The following POU2AF2 variants were observed in gnomAD, a reference collection of about 807,000 sequenced individuals.
The protein encoded by POU2AF2 is POU class 2 homeobox associating factor 2, also known as POU domain class 2-associating factor 2.
At chr11:111,256,237 T>C in the POU2AF2 span, 4 of 396,286 alleles carry the variant, frequency 1.0e-5, no homozygotes, top group Admixed American at 8.8e-5. Flanking sequence ...AATTATTCTG[T>C]GACAGACAAT....
the POU2AF2 span, among the ~76,000 whole-genome samples, chr11:111,260,515 G>A: frequency 6.6e-6 from 1 of 152,160 alleles, no homozygotes; most frequent in Admixed American, 6.5e-5. Flanking sequence ...TCACAAGGGG[G>A]AGTTTTGAGA....
the POU2AF2 span, among the ~76,000 whole-genome samples, chr11:111,247,829 A>G: frequency 6.8e-6 from 1 of 146,764 alleles, no homozygotes; most frequent in Non-Finnish European, 1.5e-5. Flanking sequence ...GCTTAATAAT[A>G]TTTTGAATAT....
At chr11:111,250,674 G>C in the POU2AF2 span, among the ~76,000 whole-genome samples, 1 of 152,116 alleles carries the variant, frequency 6.6e-6, no homozygotes, top group Non-Finnish European at 1.5e-5. Flanking sequence ...TACACAGACA[G>C]AAAAACTAGA....
chr11:111,279,305 TC>T, the POU2AF2 span, among the ~76,000 whole-genome samples: 1 of 152,230 alleles, frequency 6.6e-6, no homozygotes, highest in African/African-American at 2.4e-5. Context: ...TTCTGTTTTG[TC>T]ATCAATCACC....
chr11:111,255,621 A>G, the POU2AF2 span, among the ~76,000 whole-genome samples: 1 of 152,204 alleles, frequency 6.6e-6, no homozygotes, highest in African/African-American at 2.4e-5. Context: ...CTTCTACCTC[A>G]TGTATTTAGA....
At chr11:111,266,287 C>T in the POU2AF2 span, among the ~76,000 whole-genome samples, 1 of 152,020 alleles carries the variant, frequency 6.6e-6, no homozygotes, top group Non-Finnish European at 1.5e-5. Flanking sequence ...CGTGTGTTTC[C>T]CCCGCTGGGT....
the POU2AF2 span, among the ~76,000 whole-genome samples, chr11:111,266,345 C>T: frequency 2.6e-4 from 40 of 152,270 alleles, no homozygotes; most frequent in African/African-American, 9.4e-4. Flanking sequence ...GACCTCAGAA[C>T]GTGTCCCACC....
At chr11:111,268,487 A>ATTT in the POU2AF2 span, among the ~76,000 whole-genome samples, 1 of 23,962 alleles carries the variant, frequency 4.2e-5, no homozygotes, top group Non-Finnish European at 1.0e-4. Flanking sequence ...TTTTTATTTT[A>ATTT]TTTTATTTTA....
chr11:111,251,489 C>T, the POU2AF2 span, among the ~76,000 whole-genome samples: 6 of 152,192 alleles, frequency 3.9e-5, no homozygotes, highest in Non-Finnish European at 8.8e-5. Flanking sequence ...CTGGAGATAC[C>T]CATTTGAAAC....
the POU2AF2 span, among the ~76,000 whole-genome samples, chr11:111,271,924 G>A: frequency 6.6e-6 from 1 of 152,190 alleles, no homozygotes; most frequent in African/African-American, 2.4e-5. Flanking sequence ...GGCTGAGGCA[G>A]GAGAATCACT....
chr11:111,283,420 AG>A, the POU2AF2 span, among the ~76,000 whole-genome samples: 40,407 of 151,884 alleles, frequency 0.27, 5,670 homozygotes, highest in Admixed American at 0.34. Flanking sequence ...TGAGTGAAGG[AG>A]TCCATGAGGC....
chr11:111,245,950 G>A, the POU2AF2 span: 1 of 396,630 alleles, frequency 2.5e-6, no homozygotes. Flanking sequence ...ATAAAACAAA[G>A]GTTAAGGAGA....
At chr11:111,279,029 A>G in the POU2AF2 span, among the ~76,000 whole-genome samples, 1 of 152,164 alleles carries the variant, frequency 6.6e-6, no homozygotes, top group Admixed American at 6.5e-5. Context: ...GTCACTGCAA[A>G]AGAGCTCGGA....
At chr11:111,257,342 A>G in the POU2AF2 span, among the ~76,000 whole-genome samples, 422 of 151,524 alleles carry the variant, frequency 2.8e-3, 7 homozygotes, top group African/African-American at 9.6e-3. Context: ...AACACCTTTA[A>G]TTGCATATTT....
chr11:111,274,097 T>A, the POU2AF2 span, among the ~76,000 whole-genome samples: 1 of 152,102 alleles, frequency 6.6e-6, no homozygotes, highest in African/African-American at 2.4e-5. Flanking sequence ...ACGTAGGAAA[T>A]GACAATTGAG....
the POU2AF2 span, among the ~76,000 whole-genome samples, chr11:111,254,656 G>A: frequency 2.0e-4 from 30 of 152,272 alleles, no homozygotes; most frequent in African/African-American, 6.7e-4. Flanking sequence ...TCTGGTTGTA[G>A]CTTTAATTTC....
At chr11:111,255,936 C>T in the POU2AF2 span, 1 of 399,004 alleles carries the variant, frequency 2.5e-6, no homozygotes, top group Non-Finnish European at 4.4e-6. Flanking sequence ...GGGAGCTTAA[C>T]CTAATGATTC....
At chr11:111,282,451 G>A in the POU2AF2 span, among the ~76,000 whole-genome samples, 1 of 152,258 alleles carries the variant, frequency 6.6e-6, no homozygotes, top group Non-Finnish European at 1.5e-5. Flanking sequence ...TGAAAGTGAA[G>A]TGAGTGGAGT....
At chr11:111,268,482 A>T in the POU2AF2 span, among the ~76,000 whole-genome samples, 5,895 of 21,466 alleles carry the variant, frequency 0.27, 629 homozygotes, top group Admixed American at 0.38. Flanking sequence ...TTCTTTTTTT[A>T]TTTTATTTTA....
Sources: gnomAD v4.1 joint callset for allele counts (sites outside exome capture counted in the v4.1 genomes callset) on GRCh38, gnomAD v4.1.1 for gene constraint, MANE v1.5 for transcripts, NCBI Gene and HGNC (gene_info 2026-07-23, HGNC 2026-07-21) for gene names.